VIPR1: variants seen among roughly 807,000 people sequenced by gnomAD.
VIPR1 encodes vasoactive intestinal peptide receptor 1, also known as vasoactive intestinal polypeptide receptor 1.
In VIPR1, 59 loss-of-function variants were observed where a neutral mutation model predicts 58.8. That is an observed-to-expected ratio of 1.00 (90% confidence interval 0.81 to 1.25). VIPR1 has a LOEUF of 1.25. Ranked by LOEUF, VIPR1 falls within the 50% of genes most tolerant of loss-of-function variation. VIPR1 has a pLI of 0.00. For missense variants in VIPR1, 626 were observed against 602.7 expected, an observed-to-expected ratio of 1.04 and a Z score of -0.40; for synonymous variants, 251 against 242.1, an observed-to-expected ratio of 1.04 and a Z score of -0.34.
rs143361228 is a variant in VIPR1, at chr3:42,513,751, C to T, written c.81C>T (p.Gly27=). 1.4e-4 allele frequency: 222 copies of T among 1,551,098 alleles called. 1 individual carries two copies. Among genetic ancestry groups the T allele is most frequent in the Admixed American group, 8.0e-4 (41 of 50,968 alleles). ...GCCCTCCCTGTCTTTGTTCTCAGGG[C>T]GGCCAGGCGGCCAGGCTGCAGGAGG... ...GALAWALGPA[G]GQAARLQEEC... is the part of the protein sequence containing the mutation. The change falls in exon 2 of 13, where the codon GGC becomes GGT. Residue 27 remains glycine (G), a splice_region_variant and synonymous_variant. Coordinates refer to ENST00000325123, the MANE Select transcript of VIPR1 (RefSeq NM_004624.4).
Position 42,527,380 on chromosome 3 carries a change from G to C in VIPR1, c.400-13G>C. On this transcript the variant is annotated splice_polypyrimidine_tract_variant and intron_variant, in intron 4 of 12. Transcript: ENST00000325123. Reference sequence around the variant, plus strand: ...CCCCACCACCCAAGAGCCTCTCCCTGTCCCTCCAACAGCAGCAGACCATGT... The same window carrying C: ...CCCCACCACCCAAGAGCCTCTCCCTCTCCCTCCAACAGCAGCAGACCATGT... The C allele has an allele frequency of 6.2e-7, 1 of 1,609,140 alleles. No homozygotes were observed. The highest frequency in any genetic ancestry group is 8.5e-7 in the Non-Finnish European group (1 of 1,176,918).
rs201153668 is a variant in VIPR1, at chr3:42,523,086, C to CA, written c.293-2801_293-2800insA. Reference sequence around the variant, plus strand: ...CCCCTTCACTGTTGCATGCCCTGACCCCGCCCCCAGTGGAGTGTCCTTCCC... The same window carrying CA: ...CCCCTTCACTGTTGCATGCCCTGACCACCGCCCCCAGTGGAGTGTCCTTCCC... On this transcript the variant is annotated intron_variant, in intron 3 of 12. Transcript: ENST00000325123. Among the ~76,000 whole-genome samples the CA allele has an allele frequency of 2.4e-3, 359 of 151,428 alleles. 6 individuals are homozygous for CA. The highest frequency in any genetic ancestry group is 8.4e-3 in the African/African-American group (346 of 40,996).
intron 1 of VIPR1, among the ~76,000 whole-genome samples, chr3:42,491,156 A>C (rs374142709): frequency 7.5e-4 from 114 of 152,374 alleles, no homozygotes; most frequent in African/African-American, 2.7e-3. Context: ...AAAGAGAAGC[A>C]CAGGCAGAGA....
In VIPR1 at chr3:42,525,758, C is replaced by G. The variant is rs975452412; in HGVS notation, c.293-129C>G. ...GGTGCCCTGGGTAACTGGGTCAGGGCAGCTGGAACCTGACAGCACCAGGGT... is the reference window on the plus strand; with the variant it reads ...GGTGCCCTGGGTAACTGGGTCAGGGGAGCTGGAACCTGACAGCACCAGGGT... On this transcript the variant is annotated intron_variant, in intron 3 of 12. Coordinates refer to ENST00000325123, the MANE Select transcript of VIPR1 (RefSeq NM_004624.4). The G allele has an allele frequency of 6.1e-6, 6 of 975,846 alleles. No homozygotes were observed. In the African/African-American group the frequency reaches 9.8e-5, roughly 16 times the overall value. The allele number at this position is 975,846 out of a possible 1,614,324, so 60.4% of individuals were successfully genotyped here.
chr3:42,513,894 G>C (rs1415226885), intron 2 of VIPR1, 40 bp downstream of exon 2: 8 of 1,533,998 alleles, frequency 5.2e-6, no homozygotes, highest in Non-Finnish European at 7.1e-6. Context: ...CATGCCCCCA[G>C]GGAGCCCAAG....
chr3:42,518,452 G>A (rs1245345341), intron 2 of VIPR1, among the ~76,000 whole-genome samples: 1 of 152,148 alleles, frequency 6.6e-6, no homozygotes. Flanking sequence ...TAAACAGCTT[G>A]TGTTGGCCGG....
rs193068865 is a variant in VIPR1 at position 42,492,303 on chromosome 3, C to T, written c.-245+2625C>T. On this transcript the variant is annotated intron_variant, in intron 1 of 13. Coordinates refer to the VIPR1 transcript ENST00000433647. ...CCTTCCCAGCCCTGCGCAGGTGGTCCTACCCAGCTGGTTTTTCTCTGCAGC... is the reference window on the plus strand; with the variant it reads ...CCTTCCCAGCCCTGCGCAGGTGGTCTTACCCAGCTGGTTTTTCTCTGCAGC... The T allele has an allele frequency of 2.0e-3, 303 of 152,514 alleles. 6 individuals are homozygous for T. The highest frequency in any genetic ancestry group is 8.8e-5 in the Non-Finnish European group (6 of 68,216). The allele number at this position is 152,514 out of a possible 1,614,324, so 9.4% of individuals were successfully genotyped here. A position where few individuals can be genotyped will look rare whatever the true frequency, so the allele number is the denominator to read the frequency against.
At chr3:42,492,291 G>A (rs74796215) in intron 1 of VIPR1, 5,736 of 152,262 alleles carry the variant, frequency 0.038, 152 homozygotes, top group Non-Finnish European at 0.061. Flanking sequence ...TCCCAGCCCT[G>A]CGCAGGTGGT....
intron 1 of VIPR1, among the ~76,000 whole-genome samples, chr3:42,505,922 G>C (rs1700101761): frequency 6.6e-6 from 1 of 152,182 alleles, no homozygotes; most frequent in South Asian, 2.1e-4. Context: ...TCTACCCCTG[G>C]AGCACCAGGG....
intron 8 of VIPR1, 82 bp downstream of exon 8, chr3:42,531,613 T>C (rs1170749192): frequency 6.3e-6 from 10 of 1,576,744 alleles, no homozygotes; most frequent in African/African-American, 1.4e-5. Context: ...CATCTGGCCT[T>C]GGTGAGTGGA....
intron 3 of VIPR1, among the ~76,000 whole-genome samples, chr3:42,521,117 G>T (rs543635391): frequency 6.6e-6 from 1 of 152,284 alleles, no homozygotes; most frequent in South Asian, 2.1e-4. Flanking sequence ...TCTTCCTTCT[G>T]TCCCTGCTGG....
intron 1 of VIPR1, among the ~76,000 whole-genome samples, chr3:42,494,935 AT>A (rs1264439705): frequency 2.6e-5 from 4 of 152,062 alleles, no homozygotes; most frequent in African/African-American, 9.7e-5. Flanking sequence ...TATAATTCCA[AT>A]TTTTACTTCC....
intron 1 of VIPR1, chr3:42,512,654 G>A: frequency 2.4e-6 from 2 of 846,254 alleles, no homozygotes; most frequent in Non-Finnish European, 2.8e-6. Context: ...AGGGTGGGAG[G>A]GACAAGCTGG....
chr3:42,513,717 G>A, intron 1 of VIPR1, 32 bp from the exon 2 acceptor site: 2 of 1,549,730 alleles, frequency 1.3e-6, no homozygotes, highest in East Asian at 2.4e-5. Context: ...CTATGGACGA[G>A]GCTGATGGGC....
intron 8 of VIPR1, 99 bp downstream of exon 8, chr3:42,531,630 C>T (rs1378548884): frequency 1.3e-6 from 2 of 1,566,944 alleles, no homozygotes; most frequent in Admixed American, 3.5e-5. Flanking sequence ...TGGACAAAAA[C>T]CACAGCTCTC....
Position 42,530,945 on chromosome 3 carries a change from G to A in VIPR1, c.790+13G>A. 1 of 1,613,672 alleles carries A rather than the reference G, an allele frequency of 6.2e-7. No homozygotes were observed. Among genetic ancestry groups the A allele is most frequent in the Non-Finnish European group, 8.5e-7 (1 of 1,179,708 alleles). ...CTCATCGGCTGGGGTATGGTACCAG[G>A]GAGGGCTTCCAGGCTGGGGACAGAG... On this transcript the variant is annotated intron_variant, in intron 7 of 12. Transcript: ENST00000325123.
At chr3:42,528,559 T>G in intron 6 of VIPR1, 1 of 180,412 alleles carries the variant, frequency 5.5e-6, no homozygotes, top group Non-Finnish European at 1.2e-5. Flanking sequence ...CATGCCACTT[T>G]TCCTACTCCC....
chr3:42,512,005 A>G (rs1700384030), intron 1 of VIPR1: 1 of 152,252 alleles, frequency 6.6e-6, no homozygotes, highest in African/African-American at 2.4e-5. Flanking sequence ...GAGTAACTGT[A>G]TCATGCTCCA....
chr3:42,517,344 G>A (rs923714247), intron 2 of VIPR1, among the ~76,000 whole-genome samples: 9 of 152,230 alleles, frequency 5.9e-5, no homozygotes, highest in South Asian at 2.1e-4. Context: ...CCCAGCTGGC[G>A]TTGACTTTGG....
Sources: allele counts gnomAD v4.1 joint callset (sites outside exome capture counted in the v4.1 genomes callset), GRCh38; gene constraint gnomAD v4.1.1; transcripts MANE v1.5; gene names NCBI Gene and HGNC (gene_info 2026-07-23, HGNC 2026-07-21).